Variants in PATJ observed in about 807,000 individuals in gnomAD.
The protein encoded by PATJ is inaD-like protein.
PATJ carries 190 observed loss-of-function variants against 224.9 expected under a neutral mutation model. The observed-to-expected ratio is 0.84, with a 90% CI of 0.75 to 0.95. The LOEUF is 0.95. Ranked by LOEUF, PATJ falls within the 40% of genes least tolerant of loss-of-function variation. The pLI is 0.00. For missense variants in PATJ, 2,121 were observed against 2,270.3 expected, an observed-to-expected ratio of 0.93 and a Z score of 1.34; for synonymous variants, 769 against 820.3, an observed-to-expected ratio of 0.94 and a Z score of 1.07.
At chr1:61,974,741 C>T (rs1308534848) in intron 27 of PATJ, among the ~76,000 whole-genome samples, 3 of 152,030 alleles carry the variant, frequency 2.0e-5, no homozygotes, top group Admixed American at 2.0e-4. Context: ...TTAAAAATAA[C>T]TCATTCTCTA....
At position 62,084,412 on chromosome 1, in the gene PATJ, C is replaced by T. The variant is rs980064714; in HGVS notation, c.4244-103C>T. On this transcript the variant is annotated intron_variant, in intron 32 of 43. Transcript: ENST00000642238. The stretch of plus-strand genomic sequence containing the variant: ...CATGGTGTTTGGCAGGAAAAGAGTG[C>T]AGTGATAAACACATGCAAGCCCCAC... 7.4e-6 allele frequency: 9 copies of T among 1,208,566 alleles called. 1 individual carries two copies. The Admixed American group carries it at 8.2e-5, about 11-fold the overall frequency. The allele number at this position is 1,208,566 out of a possible 1,614,324, so 74.9% of individuals were successfully genotyped here.
At chr1:61,910,590 C>CAGG (rs1334672375) in intron 25 of PATJ, among the ~76,000 whole-genome samples, 2 of 123,178 alleles carry the variant, frequency 1.6e-5, no homozygotes, top group African/African-American at 5.9e-5. Flanking sequence ...TTCTGTCACC[C>CAGG]AGGCTGAGTG....
chr1:62,157,397 C>G (rs1669341275), intron 43 of PATJ, among the ~76,000 whole-genome samples: 1 of 149,320 alleles, frequency 6.7e-6, no homozygotes, highest in African/African-American at 2.4e-5. Flanking sequence ...AATTCAGCCC[C>G]TTATAACTCC....
chr1:62,027,628 C>CTTTTTTTTTTTTTTTTTTTTTTTT, intron 29 of PATJ, among the ~76,000 whole-genome samples: 1 of 109,840 alleles, frequency 9.1e-6, no homozygotes, highest in South Asian at 3.1e-4. Context: ...GCCAACATTC[C>CTTTTTTTTTTTTTTTTTTTTTTTT]TTTTTTTTTT....
At chr1:61,808,762 T>G (rs1654095462) in intron 14 of PATJ, among the ~76,000 whole-genome samples, 1 of 152,158 alleles carries the variant, frequency 6.6e-6, no homozygotes, top group Non-Finnish European at 1.5e-5. Flanking sequence ...TGACCTAAAG[T>G]TTCCAGAATT....
chr1:61,975,299 CCTT>C lies in PATJ; in HGVS notation c.3671-14865_3671-14863del, dbSNP rs1160317526. ...TAGGTACTGATTGCCAAAGTTGAAT[CCTT>C]CTTTGTCTCCTGTTATGTGATTGAA... is the stretch of plus-strand genomic sequence containing the variant. On this transcript the variant is annotated intron_variant, in intron 27 of 43. Coordinates refer to ENST00000642238, the MANE Select transcript of PATJ (RefSeq NM_001350145.3). 3.3e-5 allele frequency among the ~76,000 whole-genome samples: 5 copies of C among 152,108 alleles called. No individual in the cohort carries two copies. In the East Asian group the frequency reaches 9.6e-4, roughly 29 times the overall value.
chr1:62,047,636 A>G (rs1374152206), intron 30 of PATJ, among the ~76,000 whole-genome samples: 1 of 152,214 alleles, frequency 6.6e-6, no homozygotes, highest in Non-Finnish European at 1.5e-5. Flanking sequence ...AGAACTAGAC[A>G]CACTAAGGAA....
chr1:62,154,195 CTGAGTAA>C (rs1274883626), intron 43 of PATJ, among the ~76,000 whole-genome samples: 1 of 152,034 alleles, frequency 6.6e-6, no homozygotes, highest in Non-Finnish European at 1.5e-5. Flanking sequence ...TGTGCCCAGC[CTGAGTAA>C]TTATTTTTAA....
intron 27 of PATJ, among the ~76,000 whole-genome samples, chr1:61,954,538 G>A (rs1005819522): frequency 1.3e-5 from 2 of 152,082 alleles, no homozygotes; most frequent in East Asian, 1.9e-4. Flanking sequence ...CAAAGAGAGG[G>A]CATTGTTATT....
chr1:62,044,017 C>T lies in PATJ; in HGVS notation c.4032+5968C>T, dbSNP rs528330022. ...CTGGAATTACAGGAGTGAGCCACTGCACCTGGCCAACATGATGTTTTGAAA... is the reference window on the plus strand; with the variant it reads ...CTGGAATTACAGGAGTGAGCCACTGTACCTGGCCAACATGATGTTTTGAAA... On this transcript the variant is annotated intron_variant, in intron 30 of 43. Coordinates refer to ENST00000642238, the MANE Select transcript of PATJ (RefSeq NM_001350145.3). Among the ~76,000 whole-genome samples, 3 of 152,230 alleles carry T rather than the reference C, an allele frequency of 2.0e-5. No individual in the cohort carries two copies. In the East Asian group the frequency reaches 5.8e-4, roughly 29 times the overall value.
intron 41 of PATJ, among the ~76,000 whole-genome samples, chr1:62,133,440 G>T (rs1188778163): frequency 6.6e-6 from 1 of 152,054 alleles, no homozygotes; most frequent in African/African-American, 2.4e-5. Context: ...AAATTAGCCG[G>T]GTGTGTTGGC....
rs1464759416 is a variant in PATJ, at chr1:61,911,722, A to G, written c.3493-2865A>G. 6.2e-5 allele frequency among the ~76,000 whole-genome samples: 9 copies of G among 144,888 alleles called. No homozygotes were observed. In the East Asian group the frequency reaches 1.8e-3, roughly 29 times the overall value. On this transcript the variant is annotated intron_variant, in intron 25 of 43. Coordinates refer to ENST00000642238, the MANE Select transcript of PATJ (RefSeq NM_001350145.3). Reference sequence around the variant, plus strand: ...ATATATATATATATATATATATCATATATATGACAAGTCAGATAGTTTCTG... The same window carrying G: ...ATATATATATATATATATATATCATGTATATGACAAGTCAGATAGTTTCTG...
At position 61,787,978 on chromosome 1, in the gene PATJ, T is replaced by C; in HGVS notation, c.1068+6T>C. ...CCAGCAAGGGCCCTGGTTCTGTGAG[T>C]ATACATATCATTCTTTCATCTTAAA... On this transcript the variant is annotated splice_donor_region_variant and intron_variant, in intron 8 of 43. Coordinates refer to ENST00000642238, the MANE Select transcript of PATJ (RefSeq NM_001350145.3). The C allele has an allele frequency of 2.5e-6, 4 of 1,603,224 alleles. No individual in the cohort carries two copies. The highest frequency in any genetic ancestry group is 3.4e-6 in the Non-Finnish European group (4 of 1,171,712).
chr1:61,884,727 G>T (rs1175611402), intron 22 of PATJ, among the ~76,000 whole-genome samples: 1 of 152,150 alleles, frequency 6.6e-6, no homozygotes, highest in African/African-American at 2.4e-5. Flanking sequence ...ATTTAAGAGT[G>T]AGGAAATCTA....
intron 29 of PATJ, among the ~76,000 whole-genome samples, chr1:62,031,742 T>C (rs1649344397): frequency 6.6e-6 from 1 of 152,192 alleles, no homozygotes; most frequent in Non-Finnish European, 1.5e-5. Flanking sequence ...GCTCTGCTAT[T>C]TGTCAGCTTT....
At chr1:62,022,903 T>A (rs532073885) in intron 29 of PATJ, among the ~76,000 whole-genome samples, 1 of 152,326 alleles carries the variant, frequency 6.6e-6, no homozygotes, top group South Asian at 2.1e-4. Flanking sequence ...TCTGGCCATA[T>A]CCCTGAAAGA....
chr1:62,161,176 C>A lies in PATJ; in HGVS notation c.*122C>A. ...CACCTTCATTCTTATTTCTTGCCCT[C>A]TCTGCTCAGGAGAAATGGCTGAGGT... On this transcript the variant is annotated 3_prime_UTR_variant, in exon 44 of 44. Coordinates refer to ENST00000642238, the MANE Select transcript of PATJ (RefSeq NM_001350145.3). The A allele has an allele frequency of 1.4e-6, 1 of 724,004 alleles. No individual in the cohort carries two copies. The highest frequency in any genetic ancestry group is 2.0e-6 in the Non-Finnish European group (1 of 502,128). 44.8% of individuals were successfully genotyped at this position (724,004 alleles called of 1,614,324 possible). A position where few individuals can be genotyped will look rare whatever the true frequency, so the allele number is the denominator to read the frequency against.
At chr1:61,879,181 G>A (rs906963238) in intron 21 of PATJ, among the ~76,000 whole-genome samples, 2 of 152,176 alleles carry the variant, frequency 1.3e-5, no homozygotes, top group East Asian at 3.8e-4. Context: ...TGAATTACTG[G>A]GGTATATCCT....
At chr1:62,065,857 C>A (rs1656318870) in intron 31 of PATJ, among the ~76,000 whole-genome samples, 1 of 152,206 alleles carries the variant, frequency 6.6e-6, no homozygotes. Context: ...CGGTCACATC[C>A]CCTCCTTTCA....
Sources: gnomAD v4.1 joint callset for allele counts (sites outside exome capture counted in the v4.1 genomes callset) on GRCh38, gnomAD v4.1.1 for gene constraint, MANE v1.5 for transcripts, NCBI Gene and HGNC (gene_info 2026-07-23, HGNC 2026-07-21) for gene names.